The following FBN3 variants were observed in gnomAD, a reference collection of about 807,000 sequenced individuals.
The protein encoded by FBN3 is fibrillin-3.
In FBN3, 234 loss-of-function variants were observed where a neutral mutation model predicts 330.1. The observed-to-expected ratio is 0.71, with a 90% CI of 0.64 to 0.79. The LOEUF (loss-of-function observed/expected upper bound fraction) is 0.79. FBN3 is among the 30% of genes least tolerant of loss of function. The pLI is 0.00. For missense variants in FBN3, 3,606 were observed against 3,886.9 expected (o/e 0.93, Z 1.92); for synonymous variants, 1,458 against 1,517.3 (o/e 0.96, Z 0.91).
At chr19:8,124,671 G>A (rs2082938160) in intron 22 of FBN3, among the ~76,000 whole-genome samples, 1 of 152,052 alleles carries the variant, frequency 6.6e-6, no homozygotes, top group Non-Finnish European at 1.5e-5. Flanking sequence ...CCGAGTAGCT[G>A]GGATTACAGA....
intron 29 of FBN3, 108 bp from the exon 30 acceptor site, chr19:8,115,748 C>T (rs2082692005): frequency 7.7e-7 from 1 of 1,292,176 alleles, no homozygotes; most frequent in Non-Finnish European, 1.1e-6. Flanking sequence ...TGTCCCGCCG[C>T]ACAGGTCCTC....
chr19:8,128,681 C>T (rs1568436921), intron 18 of FBN3, among the ~76,000 whole-genome samples: 2 of 152,104 alleles, frequency 1.3e-5, no homozygotes, highest in South Asian at 4.1e-4. Context: ...TCTGTGTACA[C>T]ATGCACACAG....
At chr19:8,088,877 GA>G (rs2082027380) in intron 51 of FBN3, among the ~76,000 whole-genome samples, 1 of 151,780 alleles carries the variant, frequency 6.6e-6, no homozygotes, top group African/African-American at 2.4e-5. Context: ...ATGAGTAAAT[GA>G]ATGAGTGAGT....
intron 63 of FBN3, among the ~76,000 whole-genome samples, chr19:8,068,595 G>C (rs2081442674): frequency 6.6e-6 from 1 of 151,768 alleles, no homozygotes; most frequent in African/African-American, 2.4e-5. Context: ...TCAGCTACTT[G>C]GGGGATTGAG....
At chr19:8,104,139 C>T (rs939755106) in intron 38 of FBN3, among the ~76,000 whole-genome samples, 11 of 106,986 alleles carry the variant, frequency 1.0e-4, no homozygotes, top group African/African-American at 3.6e-4. Flanking sequence ...AACAAACAAA[C>T]GAACAAAAAC....
chr19:8,091,698 G>A (rs2082099231), intron 47 of FBN3, 108 bp from the exon 48 acceptor site: 3 of 1,262,522 alleles, frequency 2.4e-6, no homozygotes, highest in Non-Finnish European at 3.3e-6. Context: ...CCAGCCAGGG[G>A]CTGCAGTGGG....
Position 8,081,101 on chromosome 19 carries a change from G to A in FBN3, c.7355C>T (p.Ser2452Phe). The change falls in exon 59 of 64, where the codon TCC becomes TTC. Residue 2452 changes from serine (S) to phenylalanine (F), a missense_variant. Coordinates refer to ENST00000600128, the MANE Select transcript of FBN3 (RefSeq NM_032447.5). Reference protein sequence around the residue: ...RTCKDLDECTSRQHNCQFLCV... With the variant: ...RTCKDLDECTFRQHNCQFLCV... Reference sequence around the variant, plus strand: ...GAGGAACTGACAGTTGTGCTGCCGGGAGGTGCATTCGTCCAGGTCTGCAGC... The same window carrying A: ...GAGGAACTGACAGTTGTGCTGCCGGAAGGTGCATTCGTCCAGGTCTGCAGC... The A allele has an allele frequency of 6.2e-7, 1 of 1,613,826 alleles. No individual in the cohort carries two copies. The highest frequency in any genetic ancestry group is 8.5e-7 in the Non-Finnish European group (1 of 1,179,986).
intron 63 of FBN3, among the ~76,000 whole-genome samples, chr19:8,067,123 C>CTT (rs997965759): frequency 8.8e-5 from 13 of 147,414 alleles, no homozygotes; most frequent in East Asian, 2.0e-4. Context: ...GTTTCTTCTT[C>CTT]TTTTTCTTTT....
chr19:8,107,397 ATGGT>A (rs1459877425), intron 37 of FBN3, among the ~76,000 whole-genome samples: 1 of 149,022 alleles, frequency 6.7e-6, no homozygotes, highest in Non-Finnish European at 1.5e-5. Context: ...TAGATGGAGA[ATGGT>A]TGGATGGGTG....
chr19:8,145,940 T>C lies in FBN3; in HGVS notation c.350-2A>G. ...TACAGCTCACACTGCACCCTGACCC[T>C]GGGGACAGGAAGGCAGGACGCATAG... On this transcript the variant is annotated splice_acceptor_variant, in intron 4 of 63. Coordinates refer to ENST00000600128, the MANE Select transcript of FBN3 (RefSeq NM_032447.5). LOFTEE classifies it high-confidence loss of function. The C allele has an allele frequency of 1.3e-6, 2 of 1,550,110 alleles. No individual in the cohort carries two copies. Among genetic ancestry groups the C allele is most frequent in the East Asian group, 2.4e-5 (1 of 40,912 alleles).
intron 22 of FBN3, among the ~76,000 whole-genome samples, chr19:8,124,456 G>C (rs2082931934): frequency 6.6e-6 from 1 of 151,600 alleles, no homozygotes. Flanking sequence ...ACGTTGGCCA[G>C]GCTGATCTCG....
At position 8,148,159 on chromosome 19, in the gene FBN3, C is replaced by T. The variant is rs533574896; in HGVS notation, c.-17-662G>A. On this transcript the variant is annotated intron_variant, in intron 1 of 63. Transcript: ENST00000600128. ...CACAGATACCCCCACTCCTGCAATG[C>T]CTGGCCCCACCTGGCCCTGTGTCCC... 2.0e-5 allele frequency among the ~76,000 whole-genome samples: 3 copies of T among 152,218 alleles called. No homozygotes were observed. In the South Asian group the frequency reaches 6.2e-4, roughly 32 times the overall value.
In FBN3 at chr19:8,131,697, A is replaced by G; in HGVS notation, c.1847T>C (p.Val616Ala). Reference sequence around the variant, plus strand: ...GATGGCCCCATAGCAGGTGCTGCGCACGTGGGTGTCCACGCACACGCGGCC... The same window carrying G: ...GATGGCCCCATAGCAGGTGCTGCGCGCGTGGGTGTCCACGCACACGCGGCC... ...TDGRVCVDTH[V>A]RSTCYGAIEK... The change falls in exon 15 of 64, where the codon GTG becomes GCG. Residue 616 changes from valine to alanine, a missense_variant. By Grantham distance (64) the Val-to-Ala change is moderately conservative. Coordinates refer to ENST00000600128, the MANE Select transcript of FBN3 (RefSeq NM_032447.5). This position sits in a 1 kb window ranked among gnomAD's most constrained non-coding sequence, Gnocchi z 4.5. 6.2e-7 allele frequency: 1 copy of G among 1,614,102 alleles called. No individual in the cohort carries two copies. The highest frequency in any genetic ancestry group is 1.3e-5 in the African/African-American group (1 of 75,066).
intron 59 of FBN3, among the ~76,000 whole-genome samples, chr19:8,076,998 A>G (rs1038742293): frequency 6.6e-6 from 1 of 152,184 alleles, no homozygotes; most frequent in African/African-American, 2.4e-5. Flanking sequence ...TCCTGGGCAC[A>G]AGAGATCCTC....
At chr19:8,083,790 G>C (rs2081865188) in intron 56 of FBN3, among the ~76,000 whole-genome samples, 1 of 142,258 alleles carries the variant, frequency 7.0e-6, no homozygotes, top group Non-Finnish European at 1.6e-5. Flanking sequence ...TTCCTCCCCA[G>C]TCCTACTATT....
At chr19:8,130,567 G>GGAAAGAAAGAAA (rs1387821551) in intron 16 of FBN3, among the ~76,000 whole-genome samples, 1 of 47,060 alleles carries the variant, frequency 2.1e-5, no homozygotes, top group Non-Finnish European at 3.5e-5. Flanking sequence ...AGAGAGAGAA[G>GGAAAGAAAGAAA]GAAAGAAAGA....
chr19:8,093,427 T>G (rs1008665100), intron 47 of FBN3, among the ~76,000 whole-genome samples: 2 of 151,820 alleles, frequency 1.3e-5, no homozygotes, highest in Non-Finnish European at 2.9e-5. Context: ...ATCGAGAGCA[T>G]CCTGGCTAAC....
Position 8,110,952 on chromosome 19 carries a change from G to A in FBN3, c.4226C>T (p.Ala1409Val), listed in dbSNP as rs371026092. ...CCCAAATGCACAGAGGTTCCCTTGCGCACACTCGTCCACATCTGCGGGGAC... is the reference window on the plus strand; with the variant it reads ...CCCAAATGCACAGAGGTTCCCTTGCACACACTCGTCCACATCTGCGGGGAC... The part of the protein sequence containing the change: ...HRACQDVDEC[A>V]QGNLCAFGSC... The change falls in exon 34 of 64, where the codon GCG becomes GTG. Residue 1409 changes from alanine to valine, a missense_variant. Physicochemically the swap from Ala to Val is moderately conservative, Grantham distance 64. Coordinates refer to ENST00000600128, the MANE Select transcript of FBN3 (RefSeq NM_032447.5). The A allele has an allele frequency of 3.2e-5, 51 of 1,614,208 alleles. No individual in the cohort carries two copies. Among genetic ancestry groups the A allele is most frequent in the East Asian group, 4.5e-5 (2 of 44,882 alleles).
Position 8,141,929 on chromosome 19 carries a change from C to A in FBN3, c.739+11G>T. On this transcript the variant is annotated intron_variant, in intron 7 of 63. Coordinates refer to ENST00000600128, the MANE Select transcript of FBN3 (RefSeq NM_032447.5). ...TAAGGCCTCCCACTCAGCCCTGACCCCACTATTCACCTTGGCAGGCCCCCG... is the reference window on the plus strand; with the variant it reads ...TAAGGCCTCCCACTCAGCCCTGACCACACTATTCACCTTGGCAGGCCCCCG... 1 of 1,614,130 alleles carries A rather than the reference C, an allele frequency of 6.2e-7. No homozygotes were observed. Among genetic ancestry groups the A allele is most frequent in the Non-Finnish European group, 8.5e-7 (1 of 1,179,966 alleles).
Sources: allele counts gnomAD v4.1 joint callset (sites outside exome capture counted in the v4.1 genomes callset), GRCh38; gene constraint gnomAD v4.1.1; non-coding constraint Gnocchi (gnomAD v3.1); transcripts MANE v1.5; gene names NCBI Gene and HGNC (gene_info 2026-07-23, HGNC 2026-07-21).